STK4: variants seen among roughly 807,000 people sequenced by gnomAD.
STK4 encodes serine/threonine kinase 4, also known as serine/threonine-protein kinase 4.
In STK4, 30 loss-of-function variants were observed where a neutral mutation model predicts 64.9. That is an observed-to-expected ratio of 0.46 (90% CI 0.35 to 0.63). The LOEUF (loss-of-function observed/expected upper bound fraction) is 0.63, where lower values mean the gene tolerates loss of function less well. STK4 is among the 20% of genes least tolerant of loss of function. The probability of loss-of-function intolerance (pLI) is 0.01; values close to 1 mark genes in which losing one functional copy is unlikely to be tolerated. For missense variants in STK4, 466 were observed against 598.5 expected, an observed-to-expected ratio of 0.78 and a Z score of 2.31; for synonymous variants, 177 against 199.0, an observed-to-expected ratio of 0.89 and a Z score of 0.93.
chr20:45,002,881 A>G (rs2067866261), intron 9 of STK4, among the ~76,000 whole-genome samples: 1 of 152,078 alleles, frequency 6.6e-6, no homozygotes, highest in Admixed American at 6.5e-5. Flanking sequence ...ATGCTATGAC[A>G]TCAGTGGTAT....
At chr20:45,055,013 T>C (rs1290899205) in intron 10 of STK4, among the ~76,000 whole-genome samples, 3 of 152,094 alleles carry the variant, frequency 2.0e-5, no homozygotes, top group Non-Finnish European at 4.4e-5. Flanking sequence ...AGAATAGCAA[T>C]ATAAGCATCA....
intron 9 of STK4, among the ~76,000 whole-genome samples, chr20:45,002,828 A>G (rs947338216): frequency 5.9e-5 from 9 of 152,082 alleles, no homozygotes; most frequent in Admixed American, 4.6e-4. Context: ...GGTAAAAAAG[A>G]TTCTTAAGGT....
At chr20:45,014,892 A>C (rs1198716452) in intron 9 of STK4, among the ~76,000 whole-genome samples, 3 of 152,188 alleles carry the variant, frequency 2.0e-5, no homozygotes. Context: ...CAAGCCTTCA[A>C]ATTAGATTCA....
chr20:44,972,096 T>C lies in STK4; in HGVS notation c.54T>C (p.Asp18=), dbSNP rs1351838222. The change falls in exon 2 of 11, where the codon GAT becomes GAC. Residue 18 remains aspartate, a synonymous_variant. Transcript: ENST00000372806. ...NPPRRQLKKL[D]EDSLTKQPEE... ...TTCACAGGCAGCTGAAAAAGTTGGA[T>C]GAAGATAGTTTAACCAAACAACCAG... The C allele has an allele frequency of 6.2e-7, 1 of 1,613,998 alleles. No individual in the cohort carries two copies. The highest frequency in any genetic ancestry group is 1.7e-5 in the Admixed American group (1 of 59,998).
At chr20:44,983,874 A>C (rs1172376669) in intron 4 of STK4, among the ~76,000 whole-genome samples, 2 of 152,192 alleles carry the variant, frequency 1.3e-5, no homozygotes, top group African/African-American at 4.8e-5. Flanking sequence ...TTATTCATAT[A>C]CTATCTTCTT....
chr20:45,049,687 A>C lies in STK4; in HGVS notation c.1305+24557A>C, dbSNP rs183317848. Among the ~76,000 whole-genome samples the C allele has an allele frequency of 8.3e-4, 127 of 152,364 alleles. 1 individual carries two copies. The highest frequency in any genetic ancestry group is 4.1e-3 in the South Asian group (20 of 4,828). ...AATGGTACTGTGAATTCAGCACTTCATATTAGAATAATGCTTGAGTTCCTG... is the reference window on the plus strand; with the variant it reads ...AATGGTACTGTGAATTCAGCACTTCCTATTAGAATAATGCTTGAGTTCCTG... On this transcript the variant is annotated intron_variant, in intron 10 of 10. Transcript: ENST00000372806.
intron 10 of STK4, among the ~76,000 whole-genome samples, chr20:45,050,986 A>G (rs1229945793): frequency 6.6e-6 from 1 of 152,232 alleles, no homozygotes; most frequent in East Asian, 1.9e-4. Context: ...AAAAATACAT[A>G]ATTAATTTAG....
intron 9 of STK4, 46 bp downstream of exon 9, chr20:45,001,399 T>C (rs368072910): frequency 1.1e-4 from 169 of 1,561,852 alleles, no homozygotes; most frequent in Non-Finnish European, 1.4e-4. Context: ...CAAGCATACA[T>C]ATTTCAGAGA....
At chr20:44,997,352 G>C (rs756594942) in intron 7 of STK4, 46 bp downstream of exon 7, 3 of 1,542,868 alleles carry the variant, frequency 1.9e-6, no homozygotes, top group Middle Eastern at 1.8e-4. Flanking sequence ...TCATTTACTT[G>C]CTGACCAAAA....
chr20:44,978,801 C>CT (rs1156357868), intron 3 of STK4, among the ~76,000 whole-genome samples: 2,831 of 126,888 alleles, frequency 0.022, 33 homozygotes, highest in Non-Finnish European at 0.035. Context: ...TTCAATTTTT[C>CT]TTTTTTTTTT....
intron 10 of STK4, among the ~76,000 whole-genome samples, chr20:45,051,451 T>A: frequency 6.6e-6 from 1 of 152,208 alleles, no homozygotes; most frequent in East Asian, 1.9e-4. Context: ...GTCTAGCTCA[T>A]TGTTATTGTA....
intron 1 of STK4, among the ~76,000 whole-genome samples, chr20:44,971,082 T>TACACACACACAC (rs142027582): frequency 3.6e-4 from 49 of 136,516 alleles, no homozygotes; most frequent in East Asian, 9.6e-4. Context: ...TTGTGTAGAC[T>TACACACACACAC]ACACACACAC....
At chr20:45,027,517 TA>T (rs1241694961) in intron 10 of STK4, among the ~76,000 whole-genome samples, 56 of 152,198 alleles carry the variant, frequency 3.7e-4, no homozygotes, top group Admixed American at 2.0e-3. Context: ...TTGTTTATGA[TA>T]TTTTTAGGAT....
intron 10 of STK4, among the ~76,000 whole-genome samples, chr20:45,057,013 T>C (rs908390241): frequency 1.3e-5 from 2 of 152,212 alleles, no homozygotes; most frequent in Admixed American, 1.3e-4. Flanking sequence ...AGTGGGTTAC[T>C]GGCCATCCGG....
At chr20:45,060,616 G>A (rs1020312909) in intron 10 of STK4, among the ~76,000 whole-genome samples, 3 of 152,140 alleles carry the variant, frequency 2.0e-5, no homozygotes, top group Non-Finnish European at 4.4e-5. Context: ...AGAGGCAAAT[G>A]CCTATATCTC....
intron 2 of STK4, chr20:44,973,229 C>T (rs1322783562): frequency 6.6e-6 from 1 of 152,082 alleles, no homozygotes; most frequent in Non-Finnish European, 1.5e-5. Context: ...AAACCCAATC[C>T]TGGATTACAT....
At chr20:45,067,533 G>C (rs548249831) in intron 10 of STK4, among the ~76,000 whole-genome samples, 1 of 152,324 alleles carries the variant, frequency 6.6e-6, no homozygotes, top group African/African-American at 2.4e-5. Flanking sequence ...ATATGGGCCA[G>C]ACCCATTTGT....
intron 9 of STK4, among the ~76,000 whole-genome samples, chr20:45,007,636 A>G (rs1441946429): frequency 1.3e-5 from 2 of 152,156 alleles, no homozygotes; most frequent in African/African-American, 4.8e-5. Flanking sequence ...GTTGCCTATT[A>G]TATTCATAGG....
intron 10 of STK4, among the ~76,000 whole-genome samples, chr20:45,028,173 A>G (rs1301379294): frequency 6.6e-6 from 1 of 152,152 alleles, no homozygotes; most frequent in African/African-American, 2.4e-5. Context: ...TAATTTTTTA[A>G]GGAACCTCTA....
Sources: allele counts gnomAD v4.1 joint callset (sites outside exome capture counted in the v4.1 genomes callset), GRCh38; gene constraint gnomAD v4.1.1; transcripts MANE v1.5; gene names NCBI Gene and HGNC (gene_info 2026-07-23, HGNC 2026-07-21).